Variants in SEPTIN7 observed in about 807,000 individuals in gnomAD.
The protein encoded by SEPTIN7 is septin-7.
Under a neutral mutation model 63.3 loss-of-function variants are expected in SEPTIN7, and 10 were observed. That is an observed-to-expected ratio of 0.16 (90% CI 0.10 to 0.27). SEPTIN7 has a LOEUF of 0.27. Among genes scored for constraint, SEPTIN7 ranks in the 10% least tolerant of loss-of-function variants. SEPTIN7 has a pLI of 1.00. For synonymous variants in SEPTIN7, 131 were observed against 165.3 expected (o/e 0.79, Z 1.59); for missense variants, 310 against 521.0 (o/e 0.59, Z 3.94).
In SEPTIN7 at chr7:35,882,666, T is replaced by A. The variant is rs898294831; in HGVS notation, c.723+90T>A. On this transcript the variant is annotated intron_variant, in intron 8 of 13. Transcript: ENST00000350320. ...CAGGAAAGATCAAAAGTATCAGTGTTTTAAGTAGTTGGCTTACAAAATACC... is the reference window on the plus strand; with the variant it reads ...CAGGAAAGATCAAAAGTATCAGTGTATTAAGTAGTTGGCTTACAAAATACC... 1.0e-5 allele frequency: 12 copies of A among 1,146,870 alleles called. No individual in the cohort carries two copies. In the African/African-American group the frequency reaches 1.6e-4, roughly 15 times the overall value. 71.0% of individuals were successfully genotyped at this position (1,146,870 alleles called of 1,614,324 possible).
At chr7:35,837,819 C>T (rs1197462673) in intron 3 of SEPTIN7, among the ~76,000 whole-genome samples, 1 of 152,140 alleles carries the variant, frequency 6.6e-6, no homozygotes, top group African/African-American at 2.4e-5. Flanking sequence ...GCAACCTCCA[C>T]CTCCCAGGTT....
At chr7:35,864,005 C>T (rs188390809) in intron 4 of SEPTIN7, among the ~76,000 whole-genome samples, 1 of 150,598 alleles carries the variant, frequency 6.6e-6, no homozygotes, top group East Asian at 1.9e-4. Flanking sequence ...CTCATTTGCT[C>T]CAGATACATT....
chr7:35,854,441 A>G (rs1785101453), intron 3 of SEPTIN7, among the ~76,000 whole-genome samples: 1 of 152,212 alleles, frequency 6.6e-6, no homozygotes, highest in East Asian at 1.9e-4. Flanking sequence ...GAGGGATGCT[A>G]ACTGGCTTCT....
At chr7:35,844,812 A>G (rs1784575470) in intron 3 of SEPTIN7, among the ~76,000 whole-genome samples, 1 of 152,184 alleles carries the variant, frequency 6.6e-6, no homozygotes, top group South Asian at 2.1e-4. Flanking sequence ...CATGTTGGCC[A>G]GGCTGATTTC....
chr7:35,875,330 CT>C (rs971387161), intron 6 of SEPTIN7, among the ~76,000 whole-genome samples: 2 of 151,960 alleles, frequency 1.3e-5, no homozygotes, highest in African/African-American at 4.8e-5. Context: ...AAGTTTTGCC[CT>C]TTGGTACATG....
chr7:35,814,504 G>A (rs909509804), intron 1 of SEPTIN7, among the ~76,000 whole-genome samples: 5 of 151,814 alleles, frequency 3.3e-5, no homozygotes, highest in Non-Finnish European at 5.9e-5. Flanking sequence ...TAATATTTTA[G>A]GTACTAGTTT....
chr7:35,881,145 T>C (rs9638914), intron 7 of SEPTIN7, among the ~76,000 whole-genome samples: 49,385 of 151,616 alleles, frequency 0.33, 8,276 homozygotes, highest in East Asian at 0.4. Flanking sequence ...GAAGTTGTGC[T>C]AAATTCATAC....
At chr7:35,898,061 C>A (rs368166931) in intron 11 of SEPTIN7, among the ~76,000 whole-genome samples, 187 bp from the exon 12 acceptor site, 29 of 151,772 alleles carry the variant, frequency 1.9e-4, no homozygotes, top group Middle Eastern at 3.4e-3. Flanking sequence ...TAGAGAACAT[C>A]TTTGTTTTTT....
chr7:35,876,399 G>A (rs928771901), intron 6 of SEPTIN7, among the ~76,000 whole-genome samples: 7 of 152,122 alleles, frequency 4.6e-5, no homozygotes, highest in African/African-American at 1.4e-4. Context: ...TAATAAGGTA[G>A]TGGCAGTTTA....
At chr7:35,891,912 GTTCT>G (rs1397612391) in intron 11 of SEPTIN7, among the ~76,000 whole-genome samples, 4 of 151,936 alleles carry the variant, frequency 2.6e-5, no homozygotes, top group Non-Finnish European at 5.9e-5. Flanking sequence ...TATTTTAAAA[GTTCT>G]TTCTTTTTTC....
At chr7:35,809,792 A>G (rs1788579915) in intron 1 of SEPTIN7, among the ~76,000 whole-genome samples, 1 of 152,366 alleles carries the variant, frequency 6.6e-6, no homozygotes, top group Non-Finnish European at 1.5e-5. Flanking sequence ...GCTTTAAAAG[A>G]AAAGTGGTAA....
At chr7:35,880,223 CTTTTTTT>C in intron 7 of SEPTIN7, among the ~76,000 whole-genome samples, 19 of 72,790 alleles carry the variant, frequency 2.6e-4, no homozygotes, top group African/African-American at 6.6e-4. Context: ...TTTTTCTTTT[CTTTTTTT>C]TTTTTTTTTT....
chr7:35,885,955 C>A, intron 10 of SEPTIN7, 76 bp downstream of exon 10: 1 of 1,007,094 alleles, frequency 9.9e-7, no homozygotes, highest in Non-Finnish European at 1.5e-6. Context: ...TACTTTTTGC[C>A]TTCTATAAAT....
rs1268489202 is a variant in SEPTIN7 at position 35,904,875 on chromosome 7, T to C, written c.*582T>C. The C allele has an allele frequency of 6.6e-6, 1 of 152,604 alleles. No individual in the cohort carries two copies. Among genetic ancestry groups the C allele is most frequent in the Non-Finnish European group, 1.5e-5 (1 of 68,014 alleles). 9.5% of individuals were successfully genotyped at this position (152,604 alleles called of 1,614,324 possible). ...TTATAACAACGTCTTTTTGTTTGTTTGTTTTGGATTCTTTAAATATATATT... is the reference window on the plus strand; with the variant it reads ...TTATAACAACGTCTTTTTGTTTGTTCGTTTTGGATTCTTTAAATATATATT... On this transcript the variant is annotated 3_prime_UTR_variant, in exon 14 of 14. Coordinates refer to ENST00000350320, the MANE Select transcript of SEPTIN7 (RefSeq NM_001788.6).
chr7:35,888,085 G>C (rs1187021669), intron 10 of SEPTIN7, among the ~76,000 whole-genome samples: 6 of 152,148 alleles, frequency 3.9e-5, no homozygotes, highest in African/African-American at 1.4e-4. Flanking sequence ...ATATTTTCAG[G>C]GTGTGGATAT....
At chr7:35,879,584 A>G (rs559179872) in intron 6 of SEPTIN7, 31 of 319,920 alleles carry the variant, frequency 9.7e-5, no homozygotes, top group Non-Finnish European at 1.5e-4. Flanking sequence ...GGTTTTTCCA[A>G]TTCCTCTTTA....
chr7:35,826,395 T>TTA (rs922879822), intron 1 of SEPTIN7, among the ~76,000 whole-genome samples: 46 of 148,790 alleles, frequency 3.1e-4, no homozygotes, highest in South Asian at 1.7e-3. Flanking sequence ...ATATGTATAT[T>TTA]TATATATATA....
At chr7:35,828,415 G>T (rs1016244334) in intron 1 of SEPTIN7, among the ~76,000 whole-genome samples, 3 of 151,876 alleles carry the variant, frequency 2.0e-5, no homozygotes, top group African/African-American at 7.3e-5. Context: ...CTCTCTTGTT[G>T]CCCAGGCTGG....
At chr7:35,803,545 T>G (rs1384692297) in intron 1 of SEPTIN7, among the ~76,000 whole-genome samples, 1 of 152,242 alleles carries the variant, frequency 6.6e-6, no homozygotes, top group Admixed American at 6.5e-5. Context: ...ATATACATAT[T>G]CATTGTAGAC....
Sources: allele counts gnomAD v4.1 joint callset (sites outside exome capture counted in the v4.1 genomes callset), GRCh38; gene constraint gnomAD v4.1.1; transcripts MANE v1.5; gene names NCBI Gene and HGNC (gene_info 2026-07-23, HGNC 2026-07-21).